The following ATM variants were observed in gnomAD, a reference collection of about 807,000 sequenced individuals.
ATM encodes serine-protein kinase ATM.
In ATM, 308 loss-of-function variants were observed where a neutral mutation model predicts 387.0. The ratio of observed to expected loss-of-function variants is 0.80; its 90% CI spans 0.73 to 0.87. ATM has a LOEUF of 0.87. Among genes scored for constraint, ATM ranks in the 40% least tolerant of loss-of-function variants. ATM has a pLI of 0.00. For synonymous variants in ATM, 1,156 were observed against 1,187.3 expected (o/e 0.97, Z 0.54); for missense variants, 3,312 against 3,560.9 (o/e 0.93, Z 1.78).
intron 47 of ATM, 145 bp from the exon 48 acceptor site, chr11:108,327,499 TG>T (rs2085789108): frequency 1.4e-5 from 9 of 634,268 alleles, no homozygotes; most frequent in Non-Finnish European, 1.7e-5. Flanking sequence ...AATAGTTGTA[TG>T]GCAAAAGCAG....
At chr11:108,250,144 AT>A in intron 9 of ATM, among the ~76,000 whole-genome samples, 2 of 8,262 alleles carry the variant, frequency 2.4e-4, no homozygotes, top group Admixed American at 2.9e-3. Flanking sequence ...ATTGCTAAAT[AT>A]ATATATATAT....
At chr11:108,308,037 A>T (rs1253709402) in intron 38 of ATM, 53 bp downstream of exon 38, 1 of 1,490,760 alleles carries the variant, frequency 6.7e-7, no homozygotes, top group Non-Finnish European at 9.3e-7. Context: ...GTAACTTGTT[A>T]ACTATCGGCT....
In ATM at chr11:108,289,600, A is replaced by G. The variant is rs1591662492; in HGVS notation, c.4237-2A>G. 6.2e-7 allele frequency: 1 copy of G among 1,601,078 alleles called. No homozygotes were observed. The highest frequency in any genetic ancestry group is 8.5e-7 in the Non-Finnish European group (1 of 1,173,686). ...TTTTTACTAAATCTGTTTATTTTCT[A>G]GGATTCCTATCAGAAAATTCTTCTT... is the stretch of plus-strand genomic sequence containing the variant. On this transcript the variant is annotated splice_acceptor_variant, in intron 28 of 62. Coordinates refer to ENST00000675843, the MANE Select transcript of ATM (RefSeq NM_000051.4). LOFTEE classifies it high-confidence loss of function.
intron 5 of ATM, among the ~76,000 whole-genome samples, chr11:108,237,982 A>T (rs540589804): frequency 7.2e-6 from 1 of 138,778 alleles, no homozygotes; most frequent in Admixed American, 8.0e-5. Context: ...GCTGGAGTGC[A>T]GTGGCACGAT....
At chr11:108,278,318 T>G (rs770660127) in intron 22 of ATM, among the ~76,000 whole-genome samples, 1 of 152,180 alleles carries the variant, frequency 6.6e-6, no homozygotes, top group African/African-American at 2.4e-5. Context: ...CCTTATTAAA[T>G]TTCACAGATA....
rs569614591 is a variant in ATM at position 108,287,710 on chromosome 11, T to C, written c.4104T>C (p.Phe1368=). The C allele has an allele frequency of 1.2e-6, 2 of 1,610,034 alleles. No individual in the cohort carries two copies. Among genetic ancestry groups the C allele is most frequent in the Middle Eastern group, 1.7e-4 (1 of 6,052 alleles). ...GTCAGAGCACTGACCTCTGTGACTTTTCAGGGTATGTACATTTTAAACTTA... is the reference window on the plus strand; with the variant it reads ...GTCAGAGCACTGACCTCTGTGACTTCTCAGGGTATGTACATTTTAAACTTA... ...SASQSTDLCD[F]SGDLDPAPNP... is the part of the protein sequence containing the mutation. Residue 1368 remains phenylalanine (F), a synonymous_variant, in exon 27 of 63, where the codon TTT becomes TTC. Transcript: ENST00000675843.
At chr11:108,259,813 A>C (rs1410451678) in intron 16 of ATM, among the ~76,000 whole-genome samples, 1 of 152,172 alleles carries the variant, frequency 6.6e-6, no homozygotes, top group Non-Finnish European at 1.5e-5. Flanking sequence ...TTTTTCTGGA[A>C]CACTGCCGGG....
chr11:108,358,862 C>G (rs887137010), intron 61 of ATM, among the ~76,000 whole-genome samples: 1 of 151,450 alleles, frequency 6.6e-6, no homozygotes, highest in Non-Finnish European at 1.5e-5. Flanking sequence ...TAAAGACCAT[C>G]GAGACTAGGA....
chr11:108,335,180 C>T (rs2136670842), intron 55 of ATM, 71 bp downstream of exon 55: 1 of 1,607,322 alleles, frequency 6.2e-7, no homozygotes, highest in Non-Finnish European at 8.5e-7. Flanking sequence ...TATTTTCTTT[C>T]TGCTTTATTT....
chr11:108,311,762 C>A (rs1288199652), intron 39 of ATM, among the ~76,000 whole-genome samples: 1 of 151,784 alleles, frequency 6.6e-6, no homozygotes, highest in African/African-American at 2.4e-5. Flanking sequence ...GAGGCAGTAT[C>A]ACTTATGATA....
intron 48 of ATM, among the ~76,000 whole-genome samples, chr11:108,328,689 TC>T (rs1470718771): frequency 2.0e-5 from 3 of 152,252 alleles, no homozygotes; most frequent in Admixed American, 2.0e-4. Flanking sequence ...TCTTTTGGCT[TC>T]CCTGGGCCAC....
chr11:108,354,730 C>A, intron 60 of ATM, 81 bp from the exon 61 acceptor site: 1 of 1,194,260 alleles, frequency 8.4e-7, no homozygotes. Context: ...CAGCATACTA[C>A]ACATGAGAGT....
rs2135666001 is a variant in ATM at position 108,281,025 on chromosome 11, G to A, written c.3433G>A (p.Asp1145Asn). ...TAGTGCTGAGAACCCTGAAACTTTG[G>A]ATGAAATTTATAATAGAAAATCTGT... ...SHSAENPETL[D>N]EIYNRKSVLL... is the part of the protein sequence containing the mutation. Residue 1145 changes from aspartate to asparagine, a missense_variant, in exon 24 of 63, where the codon GAT (aspartate) becomes AAT (asparagine). Transcript: ENST00000675843. The A allele has an allele frequency of 6.2e-7, 1 of 1,613,090 alleles. No individual in the cohort carries two copies. Among genetic ancestry groups the A allele is most frequent in the Non-Finnish European group, 8.5e-7 (1 of 1,179,506 alleles).
At chr11:108,282,214 G>A (rs1386476198) in intron 24 of ATM, among the ~76,000 whole-genome samples, 1 of 150,058 alleles carries the variant, frequency 6.7e-6, no homozygotes, top group East Asian at 2.0e-4. Flanking sequence ...TGCAAGCTCC[G>A]CCTCCTGGGT....
Position 108,287,670 on chromosome 11 carries a change from C to T in ATM, c.4064C>T (p.Ala1355Val), listed in dbSNP as rs1591655990. Residue 1355 changes from alanine to valine, a missense_variant, in exon 27 of 63, where the codon GCA becomes GTA. Around this residue, in one of 4 missense-constraint regions of ATM, gnomAD observed 1,791 missense variants for 1,804.5 expected, o/e 0.99. Transcript: ENST00000675843. Reference sequence around the variant, plus strand: ...TTATTGATGACGTTACATGAGCCAGCAAATTCTAGTGCCAGTCAGAGCACT... The same window carrying T: ...TTATTGATGACGTTACATGAGCCAGTAAATTCTAGTGCCAGTCAGAGCACT... ...VELLMTLHEP[A>V]NSSASQSTDL... The T allele has an allele frequency of 1.9e-6, 3 of 1,613,790 alleles. No homozygotes were observed. Among genetic ancestry groups the T allele is most frequent in the Non-Finnish European group, 2.5e-6 (3 of 1,179,888 alleles).
chr11:108,293,316 T>C lies in ATM; in HGVS notation c.4615T>C (p.Leu1539=), dbSNP rs976206782. 1.3e-6 allele frequency: 2 copies of C among 1,529,046 alleles called. No homozygotes were observed. Among genetic ancestry groups the C allele is most frequent in the African/African-American group, 2.8e-5 (2 of 72,328 alleles). 94.7% of individuals were successfully genotyped at this position (1,529,046 alleles called of 1,614,324 possible). A position where few individuals can be genotyped will look rare whatever the true frequency, so the allele number is the denominator to read the frequency against. Residue 1539 remains leucine, a synonymous_variant, in exon 31 of 63, where the codon TTG becomes CTG. Transcript: ENST00000675843. ...TTTCTTTTTAAATTATATTTAGGTA[T>C]TGGACTTGTTGAAATACTTAGTGAT... ...YEQVEVQKQV[L]DLLKYLVIDN... is the part of the protein sequence containing the mutation.
At chr11:108,242,886 C>T (rs1364530983) in intron 5 of ATM, among the ~76,000 whole-genome samples, 1 of 152,084 alleles carries the variant, frequency 6.6e-6, no homozygotes, top group African/African-American at 2.4e-5. Context: ...TTCCTGCTAG[C>T]ACCCAGGAAA....
intron 61 of ATM, among the ~76,000 whole-genome samples, chr11:108,360,645 T>G (rs2090615724): frequency 6.7e-6 from 1 of 149,674 alleles, no homozygotes; most frequent in South Asian, 2.2e-4. Context: ...GTTCAATATA[T>G]GCAAATCAAT....
At chr11:108,293,919 A>ATATATG (rs1397910875) in intron 31 of ATM, among the ~76,000 whole-genome samples, 134 of 116,916 alleles carry the variant, frequency 1.1e-3, no homozygotes, top group Middle Eastern at 5.7e-3. Context: ...ATATATATAT[A>ATATATG]TGTGTGTGTA....
Sources: allele counts gnomAD v4.1 joint callset (sites outside exome capture counted in the v4.1 genomes callset), GRCh38; gene constraint gnomAD v4.1.1; regional missense constraint gnomAD v4.1.1; transcripts MANE v1.5; gene names NCBI Gene and HGNC (gene_info 2026-07-23, HGNC 2026-07-21).